SEZ6L: variants seen among roughly 807,000 people sequenced by gnomAD.
The protein encoded by SEZ6L is seizure related 6 homolog like, also known as seizure 6-like protein.
A neutral mutation model predicts 106.2 loss-of-function variants in SEZ6L; 37 were observed. That is an observed-to-expected ratio of 0.35 (90% CI 0.27 to 0.46). SEZ6L has a LOEUF of 0.46. SEZ6L is among the 20% of genes least tolerant of loss of function. The pLI is 1.00. For synonymous variants in SEZ6L, 541 were observed against 570.4 expected (o/e 0.95, Z 0.73); for missense variants, 1,172 against 1,332.8 (o/e 0.88, Z 1.88).
intron 13 of SEZ6L, among the ~76,000 whole-genome samples, chr22:26,367,070 T>C (rs1334137395): frequency 6.6e-6 from 1 of 152,160 alleles, no homozygotes; most frequent in Non-Finnish European, 1.5e-5. Flanking sequence ...TCCTGTCCCA[T>C]TAAAGCATCA....
chr22:26,246,416 T>G (rs1018015179), intron 1 of SEZ6L, among the ~76,000 whole-genome samples: 1 of 151,930 alleles, frequency 6.6e-6, no homozygotes, highest in Non-Finnish European at 1.5e-5. Context: ...AGGAAGAAAA[T>G]GGGGCACACT....
At chr22:26,182,433 T>C (rs1383563918) in intron 1 of SEZ6L, among the ~76,000 whole-genome samples, 3 of 152,180 alleles carry the variant, frequency 2.0e-5, no homozygotes, top group South Asian at 4.1e-4. Context: ...TTTATGGAAA[T>C]AGCATGTGCA....
intron 16 of SEZ6L, among the ~76,000 whole-genome samples, chr22:26,377,992 T>C (rs1034548249): frequency 6.6e-6 from 1 of 151,956 alleles, no homozygotes. Context: ...GGCTGATTAC[T>C]GTCAGCAGAA....
At position 26,210,575 on chromosome 22, in the gene SEZ6L, G is replaced by A. The variant is rs12167831; in HGVS notation, c.94+40812G>A. On this transcript the variant is annotated intron_variant, in intron 1 of 16. Coordinates refer to ENST00000248933, the MANE Select transcript of SEZ6L (RefSeq NM_021115.5). ...GGCCTAGTCAGCTTCCCTGGGGGCG[G>A]TTTCTTTTGTGTTTTGCCTGGGAGA... is the stretch of plus-strand genomic sequence containing the variant. 8.3e-3 allele frequency among the ~76,000 whole-genome samples: 1,270 copies of A among 152,266 alleles called. 23 individuals carry two copies. Among genetic ancestry groups the A allele is most frequent in the African/African-American group, 0.029 (1,214 of 41,534 alleles).
At chr22:26,241,996 T>C (rs536289592) in intron 1 of SEZ6L, among the ~76,000 whole-genome samples, 1 of 152,212 alleles carries the variant, frequency 6.6e-6, no homozygotes, top group South Asian at 2.1e-4. Context: ...GAAAACTGAC[T>C]TATTCAGTGG....
chr22:26,303,003 C>G (rs2081504412), intron 5 of SEZ6L, among the ~76,000 whole-genome samples: 1 of 152,242 alleles, frequency 6.6e-6, no homozygotes, highest in Non-Finnish European at 1.5e-5. Context: ...TGAAGCTCCC[C>G]ATGCCCATCG....
intron 13 of SEZ6L, among the ~76,000 whole-genome samples, chr22:26,367,699 C>T (rs998718170): frequency 6.6e-6 from 1 of 152,250 alleles, no homozygotes; most frequent in African/African-American, 2.4e-5. Flanking sequence ...ACTGCCTCCT[C>T]ACAACCAGTT....
intron 1 of SEZ6L, among the ~76,000 whole-genome samples, chr22:26,257,530 T>C (rs2079863094): frequency 6.6e-6 from 1 of 152,212 alleles, no homozygotes; most frequent in Non-Finnish European, 1.5e-5. Flanking sequence ...GCAGACCAGA[T>C]GGACAATTCC....
At chr22:26,183,415 G>C (rs189689559) in intron 1 of SEZ6L, among the ~76,000 whole-genome samples, 2 of 152,184 alleles carry the variant, frequency 1.3e-5, no homozygotes, top group Admixed American at 6.5e-5. Context: ...CTTCCGGGCA[G>C]GGGGCAACTT....
At chr22:26,287,647 CTCCAGTT>C (rs1252223522) in intron 1 of SEZ6L, among the ~76,000 whole-genome samples, 8 of 152,128 alleles carry the variant, frequency 5.3e-5, no homozygotes, top group Admixed American at 5.2e-4. Flanking sequence ...ATTCTGATTG[CTCCAGTT>C]TCCTGCTGAG....
chr22:26,294,877 C>G (rs1410654078), intron 3 of SEZ6L, among the ~76,000 whole-genome samples: 2 of 138,592 alleles, frequency 1.4e-5, no homozygotes, highest in Non-Finnish European at 3.2e-5. Context: ...CTTTCTCTTT[C>G]TTTCTTTCTT....
chr22:26,209,975 G>C (rs1461449434), intron 1 of SEZ6L, among the ~76,000 whole-genome samples: 1 of 142,498 alleles, frequency 7.0e-6, no homozygotes, highest in African/African-American at 2.8e-5. Context: ...GAGAGGGAGG[G>C]AGGAAGGAAG....
rs1001860018 is a variant in SEZ6L, at chr22:26,196,053, A to G, written c.94+26290A>G. On this transcript the variant is annotated intron_variant, in intron 1 of 16. Coordinates refer to ENST00000248933, the MANE Select transcript of SEZ6L (RefSeq NM_021115.5). ...ATCTCATGTCAAATTGTAATCCCCA[A>G]TGTTGGAAATTGAGTTGGTGGGAGG... Among the ~76,000 whole-genome samples, 20 of 152,244 alleles carry G rather than the reference A, an allele frequency of 1.3e-4. No individual in the cohort carries two copies. The East Asian group carries it at 1.9e-3, about 15-fold the overall frequency.
At position 26,375,555 on chromosome 22, in the gene SEZ6L, T is replaced by G. The variant is rs758005851; in HGVS notation, c.2828-20T>G. On this transcript the variant is annotated intron_variant, in intron 14 of 16. Transcript: ENST00000248933. ...GTCAGCTACCTGGGAAATGAGGACC[T>G]CACTGGCTCCTGTGTTCAGTAGCAG... 6.2e-7 allele frequency: 1 copy of G among 1,603,674 alleles called. No individual in the cohort carries two copies. The highest frequency in any genetic ancestry group is 8.5e-7 in the Non-Finnish European group (1 of 1,170,780).
chr22:26,348,650 G>GAGAA (rs2083125961), intron 11 of SEZ6L, among the ~76,000 whole-genome samples: 4 of 18,912 alleles, frequency 2.1e-4, no homozygotes, highest in African/African-American at 6.4e-4. Flanking sequence ...GAAAGAAAAA[G>GAGAA]AAAGAAAGAA....
At chr22:26,198,468 C>A (rs1029696424) in intron 1 of SEZ6L, among the ~76,000 whole-genome samples, 10 of 152,216 alleles carry the variant, frequency 6.6e-5, no homozygotes, top group Admixed American at 1.3e-4. Context: ...ATGGGGACAA[C>A]AAGCATAAAA....
At chr22:26,369,341 C>CTTTCTTTTTTTTTTTTTTTTTTTT (rs2083928899) in intron 13 of SEZ6L, among the ~76,000 whole-genome samples, 1 of 103,728 alleles carries the variant, frequency 9.6e-6, no homozygotes, top group African/African-American at 4.8e-5. Flanking sequence ...ATAAGCAGTT[C>CTTTCTTTTTTTTTTTTTTTTTTTT]TTTTGTTTTT....
At chr22:26,379,337 T>A (rs760313039) in intron 16 of SEZ6L, among the ~76,000 whole-genome samples, 1 of 152,198 alleles carries the variant, frequency 6.6e-6, no homozygotes, top group African/African-American at 2.4e-5. Context: ...ACCTGTGTAT[T>A]CTCCTAGTTA....
At chr22:26,205,519 CT>C (rs2145687667) in intron 1 of SEZ6L, among the ~76,000 whole-genome samples, 1 of 152,308 alleles carries the variant, frequency 6.6e-6, no homozygotes, top group East Asian at 1.9e-4. Flanking sequence ...GCCTGTAACT[CT>C]TTTATCCCTA....
Sources: allele counts gnomAD v4.1 joint callset (sites outside exome capture counted in the v4.1 genomes callset), GRCh38; gene constraint gnomAD v4.1.1; transcripts MANE v1.5; gene names NCBI Gene and HGNC (gene_info 2026-07-23, HGNC 2026-07-21).